ARHGAP21: variants seen among roughly 807,000 people sequenced by gnomAD.
ARHGAP21 encodes Rho GTPase activating protein 21.
A neutral mutation model predicts 164.6 loss-of-function variants in ARHGAP21; 38 were observed. That is an observed-to-expected ratio of 0.23 (90% CI 0.18 to 0.30). The LOEUF (loss-of-function observed/expected upper bound fraction) is 0.30, where lower values mean the gene tolerates loss of function less well. ARHGAP21 is among the 10% of genes least tolerant of loss of function. The pLI is 1.00. For synonymous variants in ARHGAP21, 766 were observed against 857.9 expected, an observed-to-expected ratio of 0.89 and a Z score of 1.87; for missense variants, 1,822 against 2,370.7, an observed-to-expected ratio of 0.77 and a Z score of 4.81.
rs1593316837 is a variant in ARHGAP21, at chr10:24,695,582, G to T, written c.64-25185C>A. Among the ~76,000 whole-genome samples the T allele has an allele frequency of 2.1e-5, 3 of 145,216 alleles. No individual in the cohort carries two copies. In the South Asian group the frequency reaches 6.6e-4, roughly 32 times the overall value. ...AGACTGCGTCAAAAAAAAAAAAAAA[G>T]AATAGAATTTAGCAAATGTGATGGG... On this transcript the variant is annotated intron_variant, in intron 2 of 25. Transcript: ENST00000396432.
intron 4 of ARHGAP21, among the ~76,000 whole-genome samples, chr10:24,658,507 G>A (rs1382717040): frequency 2.0e-5 from 3 of 152,168 alleles, no homozygotes; most frequent in Non-Finnish European, 4.4e-5. Flanking sequence ...CCATAAAAAA[G>A]GATGAGTTCA....
chr10:24,634,983 C>A lies in ARHGAP21; in HGVS notation c.361+28G>T, dbSNP rs375422823. 6 of 1,402,210 alleles carry A rather than the reference C, an allele frequency of 4.3e-6. No homozygotes were observed. In the Admixed American group the frequency reaches 7.5e-5, roughly 18 times the overall value. The allele number at this position is 1,402,210 out of a possible 1,614,324, so 86.9% of individuals were successfully genotyped here. A position where few individuals can be genotyped will look rare whatever the true frequency, so the allele number is the denominator to read the frequency against. On this transcript the variant is annotated intron_variant, in intron 5 of 25. Transcript: ENST00000396432. The stretch of plus-strand genomic sequence containing the variant: ...AAATAAAGTGAAAAAGAAATTAAAA[C>A]GTATTGTTTAAAGAAGAATATCAGC...
intron 3 of ARHGAP21, among the ~76,000 whole-genome samples, chr10:24,668,740 T>C (rs1840425556): frequency 6.6e-6 from 1 of 152,154 alleles, no homozygotes; most frequent in Non-Finnish European, 1.5e-5. Flanking sequence ...AGTTGCAGTT[T>C]CCAAAAATCT....
At chr10:24,715,735 C>T (rs1253277169) in intron 2 of ARHGAP21, among the ~76,000 whole-genome samples, 3 of 152,194 alleles carry the variant, frequency 2.0e-5, no homozygotes, top group Non-Finnish European at 4.4e-5. Flanking sequence ...CAGCTGGGCG[C>T]AGTGGCTCAC....
At chr10:24,610,158 C>T (rs1054336507) in intron 9 of ARHGAP21, among the ~76,000 whole-genome samples, 1 of 152,146 alleles carries the variant, frequency 6.6e-6, no homozygotes, top group African/African-American at 2.4e-5. Flanking sequence ...GGGTGGATCA[C>T]CTGAGGTCAG....
At chr10:24,669,337 T>C (rs1593234524) in intron 3 of ARHGAP21, among the ~76,000 whole-genome samples, 1 of 152,216 alleles carries the variant, frequency 6.6e-6, no homozygotes, top group Non-Finnish European at 1.5e-5. Flanking sequence ...TTTGGATTCA[T>C]AGATATTTAG....
chr10:24,584,723 C>T lies in ARHGAP21; in HGVS notation c.5566G>A (p.Glu1856Lys). ...TCAGAGGTACTGGTGCGTAGGCGTT[C>T]CCTGGCCAGCCAGTCTGAGATGGAA... Reference protein sequence around the residue: ...DLSISDWLARERLRTSTSDLS... With the variant: ...DLSISDWLARKRLRTSTSDLS... Residue 1856 changes from glutamate to lysine, a missense_variant, in exon 26 of 26, where the codon GAA becomes AAA. This residue lies in a region of ARHGAP21 where 165 missense variants were observed against 176.6 expected (regional missense o/e 0.93). Transcript: ENST00000396432. The T allele has an allele frequency of 6.2e-7, 1 of 1,613,908 alleles. No individual in the cohort carries two copies. Among genetic ancestry groups the T allele is most frequent in the Non-Finnish European group, 8.5e-7 (1 of 1,179,868 alleles).
intron 2 of ARHGAP21, among the ~76,000 whole-genome samples, chr10:24,690,516 T>G (rs1375394507): frequency 6.6e-6 from 1 of 152,170 alleles, no homozygotes; most frequent in African/African-American, 2.4e-5. Flanking sequence ...CTATTCTAAG[T>G]GCCCCATAAT....
intron 2 of ARHGAP21, among the ~76,000 whole-genome samples, chr10:24,690,006 C>A (rs1005404313): frequency 6.6e-6 from 1 of 150,890 alleles, no homozygotes; most frequent in Non-Finnish European, 1.5e-5. Context: ...TTAGGAAAAT[C>A]TTCTAACCTA....
At chr10:24,687,240 T>C (rs189137494) in intron 2 of ARHGAP21, among the ~76,000 whole-genome samples, 1 of 152,278 alleles carries the variant, frequency 6.6e-6, no homozygotes, top group Admixed American at 6.5e-5. Flanking sequence ...CTAACCATAT[T>C]ATAATTGCTT....
chr10:24,603,235 G>A (rs1424893734), intron 12 of ARHGAP21, among the ~76,000 whole-genome samples: 2 of 152,168 alleles, frequency 1.3e-5, no homozygotes, highest in Non-Finnish European at 2.9e-5. Flanking sequence ...TAGTCTTTCA[G>A]TTAGAAGGAA....
At chr10:24,636,169 T>C (rs1836362808) in intron 4 of ARHGAP21, among the ~76,000 whole-genome samples, 1 of 152,176 alleles carries the variant, frequency 6.6e-6, no homozygotes, top group African/African-American at 2.4e-5. Context: ...CTAATACACA[T>C]TAAATTTTGA....
At chr10:24,598,324 G>A (rs947418944) in intron 14 of ARHGAP21, among the ~76,000 whole-genome samples, 3 of 152,190 alleles carry the variant, frequency 2.0e-5, no homozygotes, top group African/African-American at 7.2e-5. Flanking sequence ...GAAGCAGCCA[G>A]TGTTTTCTCT....
chr10:24,628,884 CATATATATACAT>C (rs1469247951), intron 7 of ARHGAP21: 1 of 107,836 alleles, frequency 9.3e-6, no homozygotes, highest in Non-Finnish European at 1.8e-5. Flanking sequence ...CATATATACA[CATATATATACAT>C]ACATATATAC....
chr10:24,591,743 T>TGGAG (rs2076340707), intron 22 of ARHGAP21, 60 bp from the exon 23 acceptor site: 2 of 1,603,202 alleles, frequency 1.2e-6, no homozygotes, highest in Non-Finnish European at 1.7e-6. Context: ...ACTGAGATCT[T>TGGAG]GGAGGATAGT....
intron 4 of ARHGAP21, among the ~76,000 whole-genome samples, chr10:24,665,368 G>C (rs1388734666): frequency 6.6e-6 from 1 of 151,548 alleles, no homozygotes; most frequent in Non-Finnish European, 1.5e-5. Context: ...GACCTCAAAT[G>C]GTTATTACAA....
chr10:24,661,356 A>C (rs1183700577), intron 4 of ARHGAP21, among the ~76,000 whole-genome samples: 1 of 152,046 alleles, frequency 6.6e-6, no homozygotes, highest in Non-Finnish European at 1.5e-5. Flanking sequence ...TGCATACATA[A>C]AGGATATGAG....
At chr10:24,633,941 T>G (rs1288968359) in intron 5 of ARHGAP21, among the ~76,000 whole-genome samples, 1 of 134,894 alleles carries the variant, frequency 7.4e-6, no homozygotes, top group East Asian at 2.4e-4. Flanking sequence ...TCTCCCAGGC[T>G]GGAGTACAGT....
intron 11 of ARHGAP21, among the ~76,000 whole-genome samples, chr10:24,605,437 G>GT (rs1417211989): frequency 6.6e-6 from 1 of 152,152 alleles, no homozygotes; most frequent in African/African-American, 2.4e-5. Flanking sequence ...AATAACGGCA[G>GT]TTTTTGATAC....
Sources: gnomAD v4.1 joint callset for allele counts (sites outside exome capture counted in the v4.1 genomes callset) on GRCh38, gnomAD v4.1.1 for gene constraint, gnomAD v4.1.1 regional missense constraint, MANE v1.5 for transcripts, NCBI Gene and HGNC (gene_info 2026-07-23, HGNC 2026-07-21) for gene names.